The following LRMDA variants were observed in gnomAD, a reference collection of about 807,000 sequenced individuals.
LRMDA encodes the protein leucine rich melanocyte differentiation associated.
Under a neutral mutation model 29.8 loss-of-function variants are expected in LRMDA, and 18 were observed. The ratio of observed to expected loss-of-function variants is 0.60; its 90% confidence interval spans 0.42 to 0.90. The LOEUF is 0.90. Ranked by LOEUF, LRMDA falls within the 40% of genes least tolerant of loss-of-function variation. The pLI is 0.00. For missense variants in LRMDA, 273 were observed against 273.9 expected (o/e 1.00, Z 0.02); for synonymous variants, 125 against 109.4 (o/e 1.14, Z -0.89).
At chr10:76,218,486 A>G (rs2132254465) in intron 5 of LRMDA, among the ~76,000 whole-genome samples, 1 of 152,366 alleles carries the variant, frequency 6.6e-6, no homozygotes, top group Admixed American at 6.5e-5. Flanking sequence ...TAAGTAAGAA[A>G]TTGTTTAAAT....
At chr10:76,545,685 G>A (rs1443226545) in intron 6 of LRMDA, among the ~76,000 whole-genome samples, 1 of 118,158 alleles carries the variant, frequency 8.5e-6, no homozygotes, top group Non-Finnish European at 2.0e-5. Context: ...TTATTATTTA[G>A]GTATCATTAG....
chr10:76,065,803 T>G (rs1589311371), intron 5 of LRMDA, among the ~76,000 whole-genome samples: 1 of 152,254 alleles, frequency 6.6e-6, no homozygotes, highest in African/African-American at 2.4e-5. Flanking sequence ...ACTTTGGCCT[T>G]GGCCATGTAA....
intron 6 of LRMDA, among the ~76,000 whole-genome samples, chr10:76,345,596 A>G (rs1469378768): frequency 2.1e-4 from 32 of 151,744 alleles, no homozygotes; most frequent in Admixed American, 2.1e-3. Flanking sequence ...TTTATGAAAA[A>G]ACTCTGAAAG....
intron 2 of LRMDA, among the ~76,000 whole-genome samples, chr10:75,741,403 G>A (rs1391136777): frequency 4.0e-5 from 6 of 151,236 alleles, no homozygotes; most frequent in African/African-American, 9.7e-5. Flanking sequence ...TCTGACATAC[G>A]CTTCTGCCAC....
At chr10:75,896,379 A>G (rs963823095) in intron 2 of LRMDA, among the ~76,000 whole-genome samples, 1 of 152,198 alleles carries the variant, frequency 6.6e-6, no homozygotes, top group Non-Finnish European at 1.5e-5. Context: ...TTAGAATAGC[A>G]CTTAGCACAC....
intron 2 of LRMDA, among the ~76,000 whole-genome samples, chr10:75,565,997 C>A (rs1325551835): frequency 6.6e-6 from 1 of 152,108 alleles, no homozygotes; most frequent in Admixed American, 6.5e-5. Context: ...ATTGCTTGAG[C>A]CTGGAAGGTC....
chr10:76,215,099 A>T (rs924585630), intron 5 of LRMDA, among the ~76,000 whole-genome samples: 2 of 152,204 alleles, frequency 1.3e-5, no homozygotes, highest in Non-Finnish European at 2.9e-5. Context: ...TGGGTTGAGA[A>T]TGGTGTAGTA....
intron 2 of LRMDA, among the ~76,000 whole-genome samples, chr10:75,739,727 TGTC>T (rs1251609649): frequency 2.6e-5 from 4 of 152,240 alleles, no homozygotes; most frequent in Non-Finnish European, 5.9e-5. Flanking sequence ...AGCAGCTTGT[TGTC>T]AATATTTATA....
chr10:76,250,057 C>T (rs561748429), intron 5 of LRMDA, among the ~76,000 whole-genome samples: 47 of 152,280 alleles, frequency 3.1e-4, no homozygotes, highest in Non-Finnish European at 5.7e-4. Context: ...CCACCTGCCT[C>T]GGCCTCCCAA....
intron 2 of LRMDA, among the ~76,000 whole-genome samples, chr10:75,560,960 A>C (rs1373156468): frequency 1.3e-5 from 2 of 150,864 alleles, no homozygotes; most frequent in African/African-American, 4.8e-5. Context: ...GGATTTTTGC[A>C]TCAATGTTCA....
At chr10:76,204,427 C>CACAT (rs1441473122) in intron 5 of LRMDA, among the ~76,000 whole-genome samples, 2 of 152,252 alleles carry the variant, frequency 1.3e-5, no homozygotes, top group African/African-American at 4.8e-5. Context: ...CCCATTCACC[C>CACAT]ACATATCCAC....
At chr10:75,920,588 G>C (rs1846010522) in intron 2 of LRMDA, among the ~76,000 whole-genome samples, 1 of 152,152 alleles carries the variant, frequency 6.6e-6, no homozygotes, top group South Asian at 2.1e-4. Context: ...AAAGTATATA[G>C]AGGAAAATTC....
At chr10:75,533,815 G>C (rs1368826835) in intron 2 of LRMDA, among the ~76,000 whole-genome samples, 2 of 152,214 alleles carry the variant, frequency 1.3e-5, no homozygotes, top group Non-Finnish European at 2.9e-5. Context: ...ACAGAGTGCA[G>C]AGAGAGTAAC....
At chr10:76,543,550 A>G (rs540179409) in intron 6 of LRMDA, among the ~76,000 whole-genome samples, 2 of 152,280 alleles carry the variant, frequency 1.3e-5, no homozygotes, top group South Asian at 2.1e-4. Flanking sequence ...TGATTGATTA[A>G]TAGGACTTCT....
chr10:76,437,354 A>C (rs1358936755), intron 6 of LRMDA: 1 of 152,334 alleles, frequency 6.6e-6, no homozygotes, highest in East Asian at 1.9e-4. Context: ...TGTCCAAAGA[A>C]ATTTTCCAAG....
At chr10:76,055,310 A>G (rs1848596821) in intron 4 of LRMDA, among the ~76,000 whole-genome samples, 1 of 152,044 alleles carries the variant, frequency 6.6e-6, no homozygotes, top group Non-Finnish European at 1.5e-5. Context: ...GAAGAAAAGA[A>G]TTTCATAATA....
chr10:76,127,436 G>T (rs1353783497), intron 5 of LRMDA, among the ~76,000 whole-genome samples: 1 of 152,150 alleles, frequency 6.6e-6, no homozygotes, highest in African/African-American at 2.4e-5. Flanking sequence ...GGGCACTTCT[G>T]TTCCCACCAG....
chr10:75,727,219 A>C (rs951211956), intron 2 of LRMDA, among the ~76,000 whole-genome samples: 1 of 152,106 alleles, frequency 6.6e-6, no homozygotes, highest in African/African-American at 2.4e-5. Context: ...TGCTGTGTGC[A>C]TGTTTCTGTG....
intron 5 of LRMDA, among the ~76,000 whole-genome samples, chr10:76,322,285 C>T (rs914680136): frequency 5.9e-5 from 9 of 152,154 alleles, no homozygotes; most frequent in Non-Finnish European, 1.2e-4. Context: ...GAAAGGATCA[C>T]AAGGGCTTCA....
Sources: gnomAD v4.1 joint callset for allele counts (sites outside exome capture counted in the v4.1 genomes callset) on GRCh38, gnomAD v4.1.1 for gene constraint, MANE v1.5 for transcripts, NCBI Gene and HGNC (gene_info 2026-07-23, HGNC 2026-07-21) for gene names.